Variants in INO80 observed in about 807,000 individuals in gnomAD.
INO80 encodes the protein INO80 complex ATPase subunit.
Under a neutral mutation model 203.4 loss-of-function variants are expected in INO80, and 20 were observed. The observed-to-expected ratio is 0.10, with a 90% confidence interval of 0.07 to 0.14. INO80 has a LOEUF of 0.14. INO80 is among the 10% of genes least tolerant of loss of function. The pLI is 1.00. For synonymous variants in INO80, 726 were observed against 685.2 expected (o/e 1.06, Z -0.93); for missense variants, 1,419 against 1,914.4 (o/e 0.74, Z 4.83).
At position 41,039,694 on chromosome 15, in the gene INO80, C is replaced by T. The variant is rs371392628; in HGVS notation, c.2907+5210G>A. Among the ~76,000 whole-genome samples the T allele has an allele frequency of 5.9e-4, 90 of 152,226 alleles. No homozygotes were observed. The South Asian group carries it at 0.013, about 22-fold the overall frequency. On this transcript the variant is annotated intron_variant, in intron 24 of 35. Coordinates refer to ENST00000648947, the MANE Select transcript of INO80 (RefSeq NM_017553.3). ...GATTCATTCAATCGATAAGCACTTA[C>T]GATATACAAATCCATGCCCTCCACG...
At chr15:41,004,202 G>T (rs746488355) in intron 28 of INO80, among the ~76,000 whole-genome samples, 1 of 152,168 alleles carries the variant, frequency 6.6e-6, no homozygotes, top group African/African-American at 2.4e-5. Flanking sequence ...AAATGGAAAC[G>T]GGTTTGAAGC....
chr15:41,026,868 G>C (rs1005148212), intron 25 of INO80, among the ~76,000 whole-genome samples: 1 of 152,246 alleles, frequency 6.6e-6, no homozygotes, highest in Admixed American at 6.5e-5. Context: ...AATAACCCCA[G>C]TGTGCCAATT....
rs556524536 is a variant in INO80, at chr15:41,097,070, C to T, written c.-43-717G>A. ...CACAATCACACAATCAGTATAACAA[C>T]GCTTCTCCCACCACTTTCTTGTTTG... On this transcript the variant is annotated intron_variant, in intron 1 of 35. Coordinates refer to ENST00000648947, the MANE Select transcript of INO80 (RefSeq NM_017553.3). 2.8e-4 allele frequency among the ~76,000 whole-genome samples: 43 copies of T among 152,342 alleles called. 1 individual carries two copies. The highest frequency in any genetic ancestry group is 9.1e-4 in the African/African-American group (38 of 41,594).
intron 14 of INO80, among the ~76,000 whole-genome samples, chr15:41,068,242 T>C (rs1374622156): frequency 6.6e-6 from 1 of 151,832 alleles, no homozygotes; most frequent in Admixed American, 6.6e-5. Flanking sequence ...GGCAACATAG[T>C]GAGACCTGCC....
At chr15:41,057,182 C>T (rs1248320430) in intron 16 of INO80, among the ~76,000 whole-genome samples, 2 of 152,192 alleles carry the variant, frequency 1.3e-5, no homozygotes, top group African/African-American at 4.8e-5. Flanking sequence ...CTTCGAACAA[C>T]TGCAGTATGC....
chr15:40,988,471 A>G lies in INO80; in HGVS notation c.3571-497T>C, dbSNP rs891886705. Among the ~76,000 whole-genome samples the G allele has an allele frequency of 5.3e-5, 8 of 152,338 alleles. 1 individual carries two copies. The Middle Eastern group carries it at 0.014, about 259-fold the overall frequency. ...TGCTTAACTAAGCACCACTGCTCCC[A>G]ACTATTCACAAGGCTGAGGTGGGAG... On this transcript the variant is annotated intron_variant, in intron 29 of 35. Transcript: ENST00000648947.
rs1893698912 is a variant in INO80 at position 40,978,888 on chromosome 15, A to AAATT, written c.*1331_*1334dup. 6.6e-6 allele frequency: 1 copy of AAATT among 152,594 alleles called. No individual in the cohort carries two copies. The highest frequency in any genetic ancestry group is 2.4e-5 in the African/African-American group (1 of 41,422). 9.5% of individuals were successfully genotyped at this position (152,594 alleles called of 1,614,324 possible). A position where few individuals can be genotyped will look rare whatever the true frequency, so the allele number is the denominator to read the frequency against. ...GACCACAGACACCTCAATTTACATA[A>AAATT]AATTATCTCACTCCATTTTATTTAA... On this transcript the variant is annotated 3_prime_UTR_variant, in exon 36 of 36. Coordinates refer to ENST00000648947, the MANE Select transcript of INO80 (RefSeq NM_017553.3).
intron 28 of INO80, among the ~76,000 whole-genome samples, chr15:41,005,118 C>T (rs941286781): frequency 2.2e-5 from 3 of 137,946 alleles, no homozygotes; most frequent in Admixed American, 1.7e-4. Flanking sequence ...TTGTTTGAAC[C>T]GGGGAGGCGG....
intron 17 of INO80, 21 bp downstream of exon 17, chr15:41,056,601 G>A: frequency 1.9e-6 from 3 of 1,571,784 alleles, no homozygotes; most frequent in Non-Finnish European, 2.6e-6. Context: ...ATATAAACCT[G>A]TGACCTGGAC....
Position 41,116,011 on chromosome 15 carries a change from G to T in INO80, c.-82C>A. ...GCCCCGCCGCCGCGACGGCGGCGGA[G>T]GGGGGGCGGGGTGCGGGCGGGGTCC... On this transcript the variant is annotated 5_prime_UTR_variant, in exon 1 of 36. Coordinates refer to ENST00000648947, the MANE Select transcript of INO80 (RefSeq NM_017553.3). 1 of 390,824 alleles carries T rather than the reference G, an allele frequency of 2.6e-6. No homozygotes were observed. The highest frequency in any genetic ancestry group is 4.5e-6 in the Non-Finnish European group (1 of 221,040). 24.2% of individuals were successfully genotyped at this position (390,824 alleles called of 1,614,324 possible). A position where few individuals can be genotyped will look rare whatever the true frequency, so the allele number is the denominator to read the frequency against.
At chr15:41,064,582 T>C (rs2045175511) in intron 14 of INO80, among the ~76,000 whole-genome samples, 4 of 152,162 alleles carry the variant, frequency 2.6e-5, no homozygotes. Flanking sequence ...ACAATGTATA[T>C]ATGACACATC....
chr15:41,092,564 A>C lies in INO80; in HGVS notation c.382-382T>G, dbSNP rs189212799. The stretch of plus-strand genomic sequence containing the variant: ...TATAGAAAGCAAGCTGTAATGGCCC[A>C]AAAGGAGAAATATCCCAAATATCCA... On this transcript the variant is annotated intron_variant, in intron 4 of 35. Coordinates refer to ENST00000648947, the MANE Select transcript of INO80 (RefSeq NM_017553.3). Among the ~76,000 whole-genome samples the C allele has an allele frequency of 2.7e-3, 410 of 152,324 alleles. 3 individuals are homozygous for C. The highest frequency in any genetic ancestry group is 0.013 in the South Asian group (62 of 4,826).
At chr15:41,109,749 T>C (rs1596333736) in intron 1 of INO80, among the ~76,000 whole-genome samples, 1 of 151,742 alleles carries the variant, frequency 6.6e-6, no homozygotes, top group Non-Finnish European at 1.5e-5. Context: ...CTGGTCAACA[T>C]GGTGAAACCC....
At chr15:41,008,966 T>C (rs2044092791) in intron 27 of INO80, among the ~76,000 whole-genome samples, 1 of 152,168 alleles carries the variant, frequency 6.6e-6, no homozygotes. Context: ...CCCAGGTAGC[T>C]GGATTATAGG....
intron 5 of INO80, among the ~76,000 whole-genome samples, chr15:41,088,076 T>G (rs2076761545): frequency 6.6e-6 from 1 of 150,388 alleles, no homozygotes; most frequent in East Asian, 1.9e-4. Context: ...AGGTTCCTCA[T>G]GCTTGCTTTT....
intron 12 of INO80, among the ~76,000 whole-genome samples, chr15:41,071,640 T>C (rs2045318604): frequency 6.6e-6 from 1 of 150,566 alleles, no homozygotes; most frequent in African/African-American, 2.5e-5. Context: ...TTTTTTTTTT[T>C]AGTAGAGATG....
Position 41,093,237 on chromosome 15 carries a change from T to A in INO80, c.382-1055A>T, listed in dbSNP as rs554495016. Among the ~76,000 whole-genome samples the A allele has an allele frequency of 2.0e-5, 3 of 151,860 alleles. No homozygotes were observed. In the East Asian group the frequency reaches 5.9e-4, roughly 30 times the overall value. On this transcript the variant is annotated intron_variant, in intron 4 of 35. Transcript: ENST00000648947. ...GTCAGGAGTTTGAGAACAGCCTGGC[T>A]AACATGGTGAAACCCTGTCTCTACT...
At position 40,984,264 on chromosome 15, in the gene INO80, T is replaced by C. The variant is rs760118016; in HGVS notation, c.4010A>G (p.Asn1337Ser). 25 of 1,613,764 alleles carry C rather than the reference T, an allele frequency of 1.5e-5. No individual in the cohort carries two copies. The highest frequency in any genetic ancestry group is 2.1e-5 in the Non-Finnish European group (25 of 1,179,948). Residue 1337 changes from asparagine to serine, a missense_variant, in exon 33 of 36, where the codon AAC (asparagine) becomes AGC (serine). Coordinates refer to ENST00000648947, the MANE Select transcript of INO80 (RefSeq NM_017553.3). Reference protein sequence around the residue: ...IPFVPSADNSNLSADGDDSFI... With the variant: ...IPFVPSADNSSLSADGDDSFI... The stretch of plus-strand genomic sequence containing the variant: ...GGAGTCATCTCCGTCAGCAGAGAGG[T>C]TGGAGTTATCAGCCGAGGGAACAAA...
chr15:41,084,505 G>A (rs967018406), intron 7 of INO80, among the ~76,000 whole-genome samples: 2 of 152,256 alleles, frequency 1.3e-5, no homozygotes, highest in South Asian at 4.1e-4. Flanking sequence ...GTTGCAGTGA[G>A]CCGAGATGAT....
Sources: gnomAD v4.1 joint callset for allele counts (sites outside exome capture counted in the v4.1 genomes callset) on GRCh38, gnomAD v4.1.1 for gene constraint, MANE v1.5 for transcripts, NCBI Gene and HGNC (gene_info 2026-07-23, HGNC 2026-07-21) for gene names.